Variants in MBNL1 observed in about 807,000 individuals in gnomAD.
MBNL1 encodes the protein muscleblind-like protein 1.
Under a neutral mutation model 42.2 loss-of-function variants are expected in MBNL1, and 8 were observed. The ratio of observed to expected loss-of-function variants is 0.19; its 90% CI spans 0.11 to 0.34. The LOEUF (loss-of-function observed/expected upper bound fraction) is 0.34. Ranked by LOEUF, MBNL1 falls within the 10% of genes least tolerant of loss-of-function variation. The pLI, the probability that MBNL1 is intolerant of heterozygous loss-of-function variation, is 1.00. For synonymous variants in MBNL1, 169 were observed against 173.9 expected, an observed-to-expected ratio of 0.97 and a Z score of 0.22; for missense variants, 309 against 495.3, an observed-to-expected ratio of 0.62 and a Z score of 3.57.
At chr3:152,247,610 CTTG>C (rs966302067) in intron 2 of MBNL1, among the ~76,000 whole-genome samples, 4 of 151,704 alleles carry the variant, frequency 2.6e-5, no homozygotes, top group Non-Finnish European at 4.4e-5. Context: ...TAAAATATAA[CTTG>C]TTATTTGAGA....
chr3:152,427,646 A>C (rs1228662973), intron 3 of MBNL1, among the ~76,000 whole-genome samples: 2 of 152,134 alleles, frequency 1.3e-5, no homozygotes, highest in Non-Finnish European at 1.5e-5. Context: ...TAGTTCAGTG[A>C]GACTAGTTAC....
At chr3:152,303,788 A>T (rs1283646028) in intron 2 of MBNL1, among the ~76,000 whole-genome samples, 1 of 152,148 alleles carries the variant, frequency 6.6e-6, no homozygotes, top group Non-Finnish European at 1.5e-5. Context: ...ACTGAATTCT[A>T]TTTCAAATAC....
At chr3:152,281,543 A>G (rs929893519) in intron 1 of MBNL1, among the ~76,000 whole-genome samples, 3 of 152,100 alleles carry the variant, frequency 2.0e-5, no homozygotes, top group Non-Finnish European at 4.4e-5. Flanking sequence ...TTTGCTCAGT[A>G]TTAGTTCTAC....
At chr3:152,405,830 A>G (rs1430930687) in intron 2 of MBNL1, among the ~76,000 whole-genome samples, 1 of 152,180 alleles carries the variant, frequency 6.6e-6, no homozygotes, top group Non-Finnish European at 1.5e-5. Flanking sequence ...AACATTTATT[A>G]TGTAAATGTT....
chr3:152,347,697 A>T (rs1279212754), intron 2 of MBNL1, among the ~76,000 whole-genome samples: 2 of 152,002 alleles, frequency 1.3e-5, no homozygotes, highest in South Asian at 2.1e-4. Flanking sequence ...TCACCATGTT[A>T]CTCTGTGCGT....
intron 2 of MBNL1, among the ~76,000 whole-genome samples, chr3:152,345,573 T>A (rs1424762243): frequency 6.6e-6 from 1 of 152,180 alleles, no homozygotes; most frequent in African/African-American, 2.4e-5. Flanking sequence ...TAAATATTTT[T>A]AAAATACTGT....
chr3:152,321,008 G>A (rs891412152), intron 2 of MBNL1, among the ~76,000 whole-genome samples: 13 of 152,012 alleles, frequency 8.6e-5, no homozygotes, highest in African/African-American at 2.9e-4. Context: ...CTTCCAAGAA[G>A]TATGTCTCTA....
intron 2 of MBNL1, among the ~76,000 whole-genome samples, chr3:152,252,260 C>T (rs1417986446): frequency 6.7e-6 from 1 of 148,266 alleles, no homozygotes; most frequent in Admixed American, 6.8e-5. Flanking sequence ...TCCTCCTTCC[C>T]TTTATTCCTC....
At chr3:152,295,197 A>T (rs1348455236) in intron 1 of MBNL1, among the ~76,000 whole-genome samples, 3 of 152,242 alleles carry the variant, frequency 2.0e-5, no homozygotes, top group Non-Finnish European at 4.4e-5. Flanking sequence ...GCACTTTTGA[A>T]GTAAATAGAA....
chr3:152,294,845 G>T (rs183149011), intron 1 of MBNL1, among the ~76,000 whole-genome samples: 1 of 152,216 alleles, frequency 6.6e-6, no homozygotes, highest in Non-Finnish European at 1.5e-5. Context: ...TGTGAATTCA[G>T]TATTGATCCA....
chr3:152,448,963 G>T (rs1311803027), intron 6 of MBNL1, among the ~76,000 whole-genome samples: 1 of 152,122 alleles, frequency 6.6e-6, no homozygotes, highest in African/African-American at 2.4e-5. Flanking sequence ...ATTGCAGTTT[G>T]CCCATATTGG....
rs1438602732 is a variant in MBNL1, at chr3:152,367,757, AT to A, written c.175-47181del. On this transcript the variant is annotated intron_variant, in intron 2 of 9. Coordinates refer to ENST00000324210, the MANE Select transcript of MBNL1 (RefSeq NM_021038.5). ...GAGATGGTATCTCATTGTGGTTTTG[AT>A]TTGCATTTCTCTAATGAACAGTGGT... 6.6e-5 allele frequency among the ~76,000 whole-genome samples: 10 copies of A among 152,160 alleles called. No individual in the cohort carries two copies. In the East Asian group the frequency reaches 1.9e-3, roughly 29 times the overall value.
chr3:152,395,768 C>CT (rs2097902754), intron 2 of MBNL1, among the ~76,000 whole-genome samples: 1 of 152,220 alleles, frequency 6.6e-6, no homozygotes, highest in African/African-American at 2.4e-5. Context: ...TGAACAAAGC[C>CT]TTTACCCCAA....
chr3:152,439,695 A>C (rs1580510594), intron 4 of MBNL1, among the ~76,000 whole-genome samples: 1 of 152,114 alleles, frequency 6.6e-6, no homozygotes, highest in Admixed American at 6.6e-5. Context: ...GAGTATAGTA[A>C]TTGCTATATT....
At chr3:152,442,180 A>G (rs2099153917) in intron 4 of MBNL1, among the ~76,000 whole-genome samples, 1 of 152,182 alleles carries the variant, frequency 6.6e-6, no homozygotes, top group Admixed American at 6.5e-5. Context: ...AAAAATGCCT[A>G]TAGTCATGGA....
intron 6 of MBNL1, among the ~76,000 whole-genome samples, chr3:152,448,952 A>T (rs1716064131): frequency 6.6e-6 from 1 of 152,202 alleles, no homozygotes; most frequent in Non-Finnish European, 1.5e-5. Flanking sequence ...GTATCTTTCA[A>T]ATTGCAGTTT....
intron 1 of MBNL1, among the ~76,000 whole-genome samples, chr3:152,292,757 AATTT>A (rs1295964411): frequency 6.6e-6 from 1 of 151,970 alleles, no homozygotes; most frequent in Non-Finnish European, 1.5e-5. Flanking sequence ...CTTTTTTAAA[AATTT>A]ATTTAATTAA....
At chr3:152,362,145 G>A (rs1230595286) in intron 2 of MBNL1, among the ~76,000 whole-genome samples, 6 of 152,220 alleles carry the variant, frequency 3.9e-5, no homozygotes, top group African/African-American at 1.2e-4. Flanking sequence ...CAACATGACA[G>A]TGATTCTGGA....
At chr3:152,290,030 CT>C (rs1028980025) in intron 1 of MBNL1, among the ~76,000 whole-genome samples, 5 of 151,880 alleles carry the variant, frequency 3.3e-5, no homozygotes, top group Admixed American at 6.6e-5. Flanking sequence ...TTTTTCTATA[CT>C]TTTTTTCATA....
Sources: allele counts gnomAD v4.1 joint callset (sites outside exome capture counted in the v4.1 genomes callset), GRCh38; gene constraint gnomAD v4.1.1; transcripts MANE v1.5; gene names NCBI Gene and HGNC (gene_info 2026-07-23, HGNC 2026-07-21).